LIPC: variants seen among roughly 807,000 people sequenced by gnomAD.
The protein encoded by LIPC is lipase C, hepatic type.
LIPC carries 44 observed loss-of-function variants against 50.7 expected under a neutral mutation model. That is an observed-to-expected ratio of 0.87 (90% CI 0.68 to 1.11). The LOEUF is 1.11. Ranked by LOEUF, LIPC falls within the 50% of genes most tolerant of loss-of-function variation. LIPC has a pLI of 0.00. For missense variants in LIPC, 697 were observed against 648.2 expected (o/e 1.08, Z -0.82); for synonymous variants, 271 against 256.4 (o/e 1.06, Z -0.54).
intron 1 of LIPC, among the ~76,000 whole-genome samples, chr15:58,480,901 G>A (rs1891162687): frequency 6.6e-6 from 1 of 152,104 alleles, no homozygotes; most frequent in Admixed American, 6.5e-5. Context: ...TAGCTGTTCA[G>A]TTATGTCACA....
At chr15:58,567,608 G>C (rs1283775166) in intron 8 of LIPC, among the ~76,000 whole-genome samples, 1 of 151,842 alleles carries the variant, frequency 6.6e-6, no homozygotes, top group Non-Finnish European at 1.5e-5. Flanking sequence ...GTAAACTCTT[G>C]AGAAAATCTT....
chr15:58,567,209 T>A (rs60540285), intron 8 of LIPC, among the ~76,000 whole-genome samples: 122,002 of 127,580 alleles, frequency 0.96, 58,275 homozygotes, highest in Non-Finnish European at 0.98. Flanking sequence ...TCAAAAAAAA[T>A]AAAAAATATA....
intron 1 of LIPC, among the ~76,000 whole-genome samples, chr15:58,513,906 A>G (rs1363539621): frequency 6.6e-6 from 1 of 152,152 alleles, no homozygotes; most frequent in Middle Eastern, 3.2e-3. Context: ...TCTTAGATAC[A>G]CAAACATCTC....
intron 1 of LIPC, among the ~76,000 whole-genome samples, chr15:58,494,457 G>C (rs537212148): frequency 5.9e-5 from 9 of 152,338 alleles, no homozygotes; most frequent in South Asian, 2.1e-4. Flanking sequence ...CATTTACGCT[G>C]TTTGCACTTA....
intron 1 of LIPC, among the ~76,000 whole-genome samples, chr15:58,523,808 G>A (rs1892724137): frequency 6.6e-6 from 1 of 152,028 alleles, no homozygotes. Context: ...GGTGGCATGT[G>A]CCTGCGATCC....
chr15:58,447,433 C>T lies in LIPC; in HGVS notation c.88+15313C>T, dbSNP rs983833784. Among the ~76,000 whole-genome samples, 68 of 152,300 alleles carry T rather than the reference C, an allele frequency of 4.5e-4. 1 individual carries two copies. The highest frequency in any genetic ancestry group is 2.7e-3 in the East Asian group (14 of 5,182). ...AACACACACGTATATGAGAAGTTGG[C>T]TGTGTTCCCATTATAGGTCTTACAG... On this transcript the variant is annotated intron_variant, in intron 1 of 8. Transcript: ENST00000299022.
At chr15:58,486,663 C>T (rs1272812461) in intron 1 of LIPC, among the ~76,000 whole-genome samples, 2 of 152,156 alleles carry the variant, frequency 1.3e-5, no homozygotes. Context: ...GGAGGCAACG[C>T]AGGCGGAGGA....
At chr15:58,459,947 C>G (rs1894280347) in intron 1 of LIPC, among the ~76,000 whole-genome samples, 1 of 152,206 alleles carries the variant, frequency 6.6e-6, no homozygotes, top group African/African-American at 2.4e-5. Flanking sequence ...GCAGCAGGCT[C>G]ACACCTAGCA....
intron 1 of LIPC, chr15:58,497,687 C>A (rs1891821760): frequency 6.6e-6 from 1 of 152,414 alleles, no homozygotes; most frequent in African/African-American, 2.4e-5. Context: ...CAGCACAATG[C>A]TCTCCCCACT....
At chr15:58,469,214 A>C (rs921554991) in intron 1 of LIPC, among the ~76,000 whole-genome samples, 1 of 150,060 alleles carries the variant, frequency 6.7e-6, no homozygotes, top group Non-Finnish European at 1.5e-5. Flanking sequence ...AGTTTACTCT[A>C]ACATTGAACT....
In LIPC at chr15:58,468,972, A is replaced by G. The variant is rs1368332204; in HGVS notation, c.88+36852A>G. Among the ~76,000 whole-genome samples the G allele has an allele frequency of 2.0e-5, 3 of 152,176 alleles. 1 individual carries two copies. Among genetic ancestry groups the G allele is most frequent in the Non-Finnish European group, 4.4e-5 (3 of 68,030 alleles). On this transcript the variant is annotated intron_variant, in intron 1 of 8. Transcript: ENST00000299022. ...CGTTTATGAAGTATTTGCTTAATGTACCTAAGCTCCACTGCCCAGAGCTAT... is the reference window on the plus strand; with the variant it reads ...CGTTTATGAAGTATTTGCTTAATGTGCCTAAGCTCCACTGCCCAGAGCTAT...
chr15:58,457,499 C>A (rs536629869), intron 1 of LIPC, among the ~76,000 whole-genome samples: 1 of 152,220 alleles, frequency 6.6e-6, no homozygotes, highest in Non-Finnish European at 1.5e-5. Flanking sequence ...CCACTTGGCT[C>A]CTTCAGGGCA....
intron 1 of LIPC, among the ~76,000 whole-genome samples, chr15:58,524,805 G>A (rs867727193): frequency 3.9e-5 from 6 of 152,090 alleles, no homozygotes; most frequent in South Asian, 2.1e-4. Context: ...TATAGATATC[G>A]GGGATATTCG....
chr15:58,522,442 G>A (rs1446550765), intron 1 of LIPC: 8 of 152,366 alleles, frequency 5.3e-5, no homozygotes, highest in African/African-American at 1.9e-4. Context: ...CATTCCCTGG[G>A]GTGTTTTCAA....
At chr15:58,548,301 G>A in intron 5 of LIPC, 29 bp from the exon 6 acceptor site, 1 of 1,613,770 alleles carries the variant, frequency 6.2e-7, no homozygotes. Flanking sequence ...GTTAAGGGGT[G>A]ATAACGTCCT....
chr15:58,509,082 T>C (rs1444625133), intron 1 of LIPC, among the ~76,000 whole-genome samples: 1 of 152,218 alleles, frequency 6.6e-6, no homozygotes, highest in Non-Finnish European at 1.5e-5. Flanking sequence ...AGGATATGTA[T>C]GCAGGCAATT....
intron 1 of LIPC, among the ~76,000 whole-genome samples, chr15:58,496,335 T>TG (rs1219825459): frequency 6.6e-6 from 1 of 152,160 alleles, no homozygotes; most frequent in Admixed American, 6.6e-5. Context: ...ATCCATTCTG[T>TG]GGGATTTACC....
At chr15:58,492,794 T>C (rs1216328002) in intron 1 of LIPC, among the ~76,000 whole-genome samples, 4 of 152,206 alleles carry the variant, frequency 2.6e-5, no homozygotes, top group Non-Finnish European at 5.9e-5. Flanking sequence ...CAAATATCCC[T>C]GGGACAGGAT....
At chr15:58,452,862 T>C (rs182542186) in intron 1 of LIPC, among the ~76,000 whole-genome samples, 71 of 152,312 alleles carry the variant, frequency 4.7e-4, no homozygotes, top group African/African-American at 1.6e-3. Flanking sequence ...CCTCATCTCT[T>C]GTGAGTGGTC....
Sources: allele counts gnomAD v4.1 joint callset (sites outside exome capture counted in the v4.1 genomes callset), GRCh38; gene constraint gnomAD v4.1.1; transcripts MANE v1.5; gene names NCBI Gene and HGNC (gene_info 2026-07-23, HGNC 2026-07-21).